The following ANXA6 variants were observed in gnomAD, a reference collection of about 807,000 sequenced individuals.
ANXA6 encodes 67 kDa calelectrin.
Under a neutral mutation model 95.4 loss-of-function variants are expected in ANXA6, and 71 were observed. The ratio of observed to expected loss-of-function variants is 0.74; its 90% CI spans 0.61 to 0.91. ANXA6 has a LOEUF of 0.91. ANXA6 is among the 40% of genes least tolerant of loss of function. The pLI, the probability that ANXA6 is intolerant of heterozygous loss-of-function variation, is 0.00. For missense variants in ANXA6, 830 were observed against 876.4 expected, an observed-to-expected ratio of 0.95 and a Z score of 0.67; for synonymous variants, 289 against 315.9, an observed-to-expected ratio of 0.91 and a Z score of 0.90.
At position 151,119,292 on chromosome 5, in the gene ANXA6, A is replaced by G; in HGVS notation, c.1438+8T>C. The G allele has an allele frequency of 6.2e-7, 1 of 1,612,292 alleles. No individual in the cohort carries two copies. Among genetic ancestry groups the G allele is most frequent in the Non-Finnish European group, 8.5e-7 (1 of 1,179,410 alleles). On this transcript the variant is annotated splice_region_variant and intron_variant, in intron 18 of 25. Transcript: ENST00000354546. ...CCCAGCATCTGGGCCCAGGCCTCCC[A>G]AACTCACCCTCCTTATAGGCCTCAT...
intron 13 of ANXA6, 88 bp from the exon 14 acceptor site, chr5:151,126,568 ACACC>A: frequency 2.1e-6 from 2 of 945,046 alleles, no homozygotes. Context: ...ACACACACAC[ACACC>A]CCAACACATA....
rs1306839386 is a variant in ANXA6, at chr5:151,156,668, G to A, written c.-26+1012C>T. Among the ~76,000 whole-genome samples the A allele has an allele frequency of 2.0e-5, 3 of 152,154 alleles. No homozygotes were observed. The East Asian group carries it at 5.8e-4, about 29-fold the overall frequency. On this transcript the variant is annotated intron_variant, in intron 1 of 25. Transcript: ENST00000354546. ...GAAGACCCACTAGAATCTAGGGAAA[G>A]GAAGGAGGAGGCAGGAAGCCGTGGC...
At position 151,138,009 on chromosome 5, in the gene ANXA6, C is replaced by T. The variant is rs1223786181; in HGVS notation, c.318+669G>A. On this transcript the variant is annotated intron_variant, in intron 5 of 25. Transcript: ENST00000354546. ...AATGTAGATGATATTAGTTGCTCTG[C>T]CAAACTCACAGGGAGATTGAGAAGA... Among the ~76,000 whole-genome samples, 5 of 152,282 alleles carry T rather than the reference C, an allele frequency of 3.3e-5. No individual in the cohort carries two copies. In the East Asian group the frequency reaches 9.6e-4, roughly 29 times the overall value.
chr5:151,140,064 A>C, intron 3 of ANXA6, 89 bp downstream of exon 3: 5 of 1,139,982 alleles, frequency 4.4e-6, no homozygotes, highest in Non-Finnish European at 6.3e-6. Context: ...TCACCATTTC[A>C]CAGACCCTAC....
Position 151,108,536 on chromosome 5 carries a change from T to G in ANXA6, c.1699A>C (p.Ile567Leu), listed in dbSNP as rs1227885797. 6.2e-7 allele frequency: 1 copy of G among 1,613,794 alleles called. No homozygotes were observed. Among genetic ancestry groups the G allele is most frequent in the Non-Finnish European group, 8.5e-7 (1 of 1,179,856 alleles). Residue 567 changes from isoleucine to leucine, a missense_variant, in exon 23 of 26, where the codon ATC (isoleucine) becomes CTC (leucine). Coordinates refer to ENST00000354546, the MANE Select transcript of ANXA6 (RefSeq NM_001155.5). The part of the protein sequence containing the change: ...PHLRRVFQEF[I>L]KMTNYDVEHT... ...TCCACGTCATAGTTGGTCATCTTGA[T>G]GAACTCCTGGAAGACTGGCCACAAG...
At chr5:151,133,287 C>T (rs373999374) in intron 8 of ANXA6, 100 bp from the exon 9 acceptor site, 15 of 738,646 alleles carry the variant, frequency 2.0e-5, no homozygotes, top group Admixed American at 1.3e-4. Context: ...CCTGAACACA[C>T]GAGTAATTGG....
intron 1 of ANXA6, among the ~76,000 whole-genome samples, chr5:151,150,592 G>T (rs57383339): frequency 6.6e-6 from 1 of 152,158 alleles, no homozygotes; most frequent in Non-Finnish European, 1.5e-5. Flanking sequence ...GGCAGAGGAC[G>T]GATCTGCCTG....
chr5:151,154,295 GTATATATATATATATATA>G (rs58268342), intron 1 of ANXA6, among the ~76,000 whole-genome samples: 50,233 of 138,964 alleles, frequency 0.36, 9,588 homozygotes, highest in Non-Finnish European at 0.43. Context: ...GCAGTTTGCA[GTATATATATATATATATA>G]TATATATATA....
At chr5:151,105,957 C>G (rs1266872168) in intron 23 of ANXA6, among the ~76,000 whole-genome samples, 1 of 152,180 alleles carries the variant, frequency 6.6e-6, no homozygotes, top group African/African-American at 2.4e-5. Context: ...AACCTAACAG[C>G]ACTGAAAGCC....
At chr5:151,131,677 C>T (rs1455002423) in intron 10 of ANXA6, among the ~76,000 whole-genome samples, 1 of 152,108 alleles carries the variant, frequency 6.6e-6, no homozygotes, top group East Asian at 1.9e-4. Flanking sequence ...CCCACTGAAT[C>T]ACCGTGAGTC....
chr5:151,135,847 T>C (rs1397667996), intron 7 of ANXA6, among the ~76,000 whole-genome samples: 2 of 152,188 alleles, frequency 1.3e-5, no homozygotes, highest in African/African-American at 4.8e-5. Context: ...ACTTGGCAGG[T>C]TGAATTCAGC....
intron 7 of ANXA6, among the ~76,000 whole-genome samples, chr5:151,135,395 C>T (rs892418549): frequency 6.6e-6 from 1 of 152,210 alleles, no homozygotes; most frequent in Non-Finnish European, 1.5e-5. Context: ...TTCTCCTGAT[C>T]ATTCCCCAGC....
chr5:151,138,863 T>A, intron 4 of ANXA6, 72 bp from the exon 5 acceptor site: 1 of 1,031,768 alleles, frequency 9.7e-7, no homozygotes, highest in Non-Finnish European at 1.5e-6. Context: ...GAATTACACT[T>A]AATGAGCACT....
At chr5:151,102,136 C>T (rs1009674239) in intron 25 of ANXA6, among the ~76,000 whole-genome samples, 4 of 152,076 alleles carry the variant, frequency 2.6e-5, no homozygotes, top group African/African-American at 9.7e-5. Context: ...ACTTCCTGAC[C>T]CATGGTATGG....
Position 151,119,408 on chromosome 5 carries a change from A to C in ANXA6, c.1348-18T>G. The C allele has an allele frequency of 6.2e-7, 1 of 1,610,834 alleles. No homozygotes were observed. Among genetic ancestry groups the C allele is most frequent in the Non-Finnish European group, 8.5e-7 (1 of 1,177,150 alleles). On this transcript the variant is annotated intron_variant, in intron 17 of 25. Coordinates refer to ENST00000354546, the MANE Select transcript of ANXA6 (RefSeq NM_001155.5). ...CCGGCTCCCTGGAATGTCAAGGCAAAGATGATCTCAGCCATAGTTCTGACC... is the reference window on the plus strand; with the variant it reads ...CCGGCTCCCTGGAATGTCAAGGCAACGATGATCTCAGCCATAGTTCTGACC...
intron 1 of ANXA6, among the ~76,000 whole-genome samples, chr5:151,152,773 A>G (rs943756093): frequency 3.3e-5 from 5 of 152,178 alleles, no homozygotes; most frequent in African/African-American, 1.2e-4. Context: ...AGAGGTGCAC[A>G]GTCAAAATCT....
chr5:151,131,485 A>G (rs1407578474), intron 10 of ANXA6, among the ~76,000 whole-genome samples, 196 bp from the exon 11 acceptor site: 1 of 152,222 alleles, frequency 6.6e-6, no homozygotes, highest in Non-Finnish European at 1.5e-5. Flanking sequence ...AATAAACAGG[A>G]AATAATCTTG....
At chr5:151,103,376 A>G (rs1057001686) in intron 25 of ANXA6, among the ~76,000 whole-genome samples, 194 bp downstream of exon 25, 2 of 152,220 alleles carry the variant, frequency 1.3e-5, no homozygotes, top group African/African-American at 4.8e-5. Context: ...GAAATCTTTA[A>G]TTATAAACCT....
intron 20 of ANXA6, among the ~76,000 whole-genome samples, chr5:151,115,844 T>C (rs1764984153): frequency 6.6e-6 from 1 of 152,180 alleles, no homozygotes; most frequent in African/African-American, 2.4e-5. Context: ...ACAACAGCTA[T>C]TTGATGTGGA....
Sources: allele counts gnomAD v4.1 joint callset (sites outside exome capture counted in the v4.1 genomes callset), GRCh38; gene constraint gnomAD v4.1.1; transcripts MANE v1.5; gene names NCBI Gene and HGNC (gene_info 2026-07-23, HGNC 2026-07-21).